The following IGF2BP2 variants were observed in gnomAD, a reference collection of about 807,000 sequenced individuals.
IGF2BP2 encodes insulin like growth factor 2 mRNA binding protein 2, also known as insulin-like growth factor 2 mRNA-binding protein 2.
In IGF2BP2, 17 loss-of-function variants were observed where a neutral mutation model predicts 75.8. The ratio of observed to expected loss-of-function variants is 0.22; its 90% CI spans 0.15 to 0.34. The LOEUF is 0.34. Among genes scored for constraint, IGF2BP2 ranks in the 10% least tolerant of loss-of-function variants. IGF2BP2 has a pLI of 1.00. For missense variants in IGF2BP2, 516 were observed against 772.4 expected (o/e 0.67, Z 3.93); for synonymous variants, 288 against 295.6 (o/e 0.97, Z 0.26).
At chr3:185,811,201 T>A (rs975403581) in intron 2 of IGF2BP2, among the ~76,000 whole-genome samples, 3 of 152,124 alleles carry the variant, frequency 2.0e-5, no homozygotes, top group African/African-American at 7.2e-5. Flanking sequence ...GGTAAAATAA[T>A]AACTGATGAA....
intron 2 of IGF2BP2, among the ~76,000 whole-genome samples, chr3:185,766,403 G>C (rs892154933): frequency 6.6e-6 from 1 of 152,018 alleles, no homozygotes; most frequent in South Asian, 2.1e-4. Context: ...TTTTTGTATA[G>C]TCTACAAGCT....
chr3:185,765,574 C>T (rs1295087143), intron 2 of IGF2BP2, among the ~76,000 whole-genome samples: 1 of 152,212 alleles, frequency 6.6e-6, no homozygotes, highest in Non-Finnish European at 1.5e-5. Flanking sequence ...CTACACTCCA[C>T]CTGCACCTAG....
chr3:185,676,768 T>A, intron 7 of IGF2BP2, among the ~76,000 whole-genome samples: 1 of 125,692 alleles, frequency 8.0e-6, no homozygotes, highest in South Asian at 2.7e-4. Flanking sequence ...TATATATATA[T>A]ATGGAGATAT....
chr3:185,793,390 TA>T (rs1736902274), intron 2 of IGF2BP2, among the ~76,000 whole-genome samples: 1 of 152,104 alleles, frequency 6.6e-6, no homozygotes, highest in Non-Finnish European at 1.5e-5. Flanking sequence ...CCTAGCCCAG[TA>T]AAATGGTCTC....
chr3:185,786,819 T>G (rs1001994077), intron 2 of IGF2BP2, among the ~76,000 whole-genome samples: 1 of 152,208 alleles, frequency 6.6e-6, no homozygotes, highest in Non-Finnish European at 1.5e-5. Context: ...CAAAAAAGAT[T>G]AGATCTACAG....
At chr3:185,704,642 G>T (rs972903161) in intron 2 of IGF2BP2, among the ~76,000 whole-genome samples, 2 of 152,134 alleles carry the variant, frequency 1.3e-5, no homozygotes, top group Admixed American at 1.3e-4. Context: ...TAGAGATGGG[G>T]TTTTGACATA....
chr3:185,704,594 C>A (rs1381732365), intron 2 of IGF2BP2, among the ~76,000 whole-genome samples: 2 of 152,136 alleles, frequency 1.3e-5, no homozygotes, highest in African/African-American at 2.4e-5. Flanking sequence ...GGGCTACAGG[C>A]CCAAGCCACC....
At chr3:185,799,477 G>A (rs1455668431) in intron 2 of IGF2BP2, among the ~76,000 whole-genome samples, 2 of 151,876 alleles carry the variant, frequency 1.3e-5, no homozygotes, top group East Asian at 1.9e-4. Context: ...TGCCAGGCAC[G>A]GTGGCTCACG....
chr3:185,701,633 G>A (rs1054434729), intron 2 of IGF2BP2, among the ~76,000 whole-genome samples: 1 of 152,176 alleles, frequency 6.6e-6, no homozygotes, highest in African/African-American at 2.4e-5. Context: ...CCCTGTAATA[G>A]TTCAAGTAAA....
At chr3:185,800,718 A>AAAAAGAAAGAAAGAACGAAAG (rs771868332) in intron 2 of IGF2BP2, among the ~76,000 whole-genome samples, 1 of 143,290 alleles carries the variant, frequency 7.0e-6, no homozygotes. Context: ...GAGCCAAAAA[A>AAAAAGAAAGAAAGAACGAAAG]AAAGAAAGAA....
At chr3:185,750,698 ATTTC>A in intron 2 of IGF2BP2, among the ~76,000 whole-genome samples, 1 of 152,322 alleles carries the variant, frequency 6.6e-6, no homozygotes. Context: ...ATCCTCTGGG[ATTTC>A]TTTGTCTTCC....
At chr3:185,683,325 C>G (rs1360979789) in intron 7 of IGF2BP2, among the ~76,000 whole-genome samples, 1 of 152,146 alleles carries the variant, frequency 6.6e-6, no homozygotes, top group Non-Finnish European at 1.5e-5. Flanking sequence ...TCCAGATTTA[C>G]AAGATGAAAA....
intron 2 of IGF2BP2, chr3:185,716,514 T>C: frequency 1.9e-6 from 1 of 520,142 alleles, no homozygotes; most frequent in Non-Finnish European, 3.8e-6. Context: ...TTTGGGGAAG[T>C]GGGCTGCTTT....
Position 185,769,365 on chromosome 3 carries a change from T to G in IGF2BP2, c.239+53788A>C, listed in dbSNP as rs371353084. On this transcript the variant is annotated intron_variant, in intron 2 of 15. Coordinates refer to ENST00000382199, the MANE Select transcript of IGF2BP2 (RefSeq NM_006548.6). Reference sequence around the variant, plus strand: ...ATGACACCCTGTCTCCAAATTTTTTTTAAAAAAAAGGTGAATCTATTGTTT... The same window carrying G: ...ATGACACCCTGTCTCCAAATTTTTTGTAAAAAAAAGGTGAATCTATTGTTT... 9.7e-4 allele frequency among the ~76,000 whole-genome samples: 147 copies of G among 151,470 alleles called. No individual in the cohort carries two copies. The South Asian group carries it at 0.023, about 24-fold the overall frequency.
intron 2 of IGF2BP2, among the ~76,000 whole-genome samples, chr3:185,747,306 T>G (rs904024359): frequency 3.9e-5 from 6 of 152,206 alleles, no homozygotes; most frequent in African/African-American, 1.4e-4. Flanking sequence ...CTCACTATCC[T>G]TATGTTATGG....
intron 10 of IGF2BP2, among the ~76,000 whole-genome samples, chr3:185,661,292 A>G (rs1485276992): frequency 6.6e-6 from 1 of 152,188 alleles, no homozygotes; most frequent in Non-Finnish European, 1.5e-5. Context: ...GACTCAAATA[A>G]TATCTAGTTC....
At chr3:185,819,586 T>A (rs1425626543) in intron 2 of IGF2BP2, among the ~76,000 whole-genome samples, 1 of 152,088 alleles carries the variant, frequency 6.6e-6, no homozygotes, top group Non-Finnish European at 1.5e-5. Flanking sequence ...TACTAACTTT[T>A]TTTTTTCCTG....
At chr3:185,662,493 CA>C (rs796376650) in intron 10 of IGF2BP2, among the ~76,000 whole-genome samples, 1,201 of 70,650 alleles carry the variant, frequency 0.017, 15 homozygotes, top group African/African-American at 0.052. Flanking sequence ...GAAAAAAAGA[CA>C]AAAAAAAAAA....
intron 2 of IGF2BP2, among the ~76,000 whole-genome samples, chr3:185,732,118 C>T (rs1728274145): frequency 1.3e-5 from 2 of 152,198 alleles, no homozygotes; most frequent in African/African-American, 4.8e-5. Context: ...ATAGTGCCAG[C>T]CTCTCCTCTC....
Sources: allele counts gnomAD v4.1 joint callset (sites outside exome capture counted in the v4.1 genomes callset), GRCh38; gene constraint gnomAD v4.1.1; transcripts MANE v1.5; gene names NCBI Gene and HGNC (gene_info 2026-07-23, HGNC 2026-07-21).